TRIM14: variants seen among roughly 807,000 people sequenced by gnomAD.
TRIM14 encodes tripartite motif-containing protein 14.
TRIM14 carries 28 observed loss-of-function variants against 44.5 expected under a neutral mutation model. The ratio of observed to expected loss-of-function variants is 0.63; its 90% CI spans 0.47 to 0.86. The LOEUF (loss-of-function observed/expected upper bound fraction) is 0.86. TRIM14 is among the 40% of genes least tolerant of loss of function. The pLI, the probability that TRIM14 is intolerant of heterozygous loss-of-function variation, is 0.00. For missense variants in TRIM14, 607 were observed against 611.1 expected (o/e 0.99, Z 0.07); for synonymous variants, 299 against 269.2 (o/e 1.11, Z -1.08).
At chr9:98,036,507 A>C in the TRIM14 span, among the ~76,000 whole-genome samples, 1 of 149,786 alleles carries the variant, frequency 6.7e-6, no homozygotes, top group Non-Finnish European at 1.5e-5. Context: ...TCTGAAAAAA[A>C]AAAAAAAAAA....
intron 1 of TRIM14, among the ~76,000 whole-genome samples, chr9:98,117,969 G>C (rs1827113047): frequency 6.6e-6 from 1 of 152,142 alleles, no homozygotes; most frequent in African/African-American, 2.4e-5. Flanking sequence ...GGCAGGGACA[G>C]GTCTTGAGCC....
At chr9:98,057,922 GTT>G in the TRIM14 span, among the ~76,000 whole-genome samples, 3 of 78,074 alleles carry the variant, frequency 3.8e-5, no homozygotes, top group Non-Finnish European at 6.9e-5. Flanking sequence ...TTTTTTCCTG[GTT>G]TTTTTTTTTT....
chr9:98,081,202 T>G, downstream of TRIM14: 1 of 1,367,466 alleles, frequency 7.3e-7, no homozygotes, highest in Non-Finnish European at 1.0e-6. Context: ...GATCAGTGAA[T>G]GTGCTCCCAC....
At chr9:98,075,363 T>C (rs1587921346) in intron 6 of TRIM14, 1 of 133,056 alleles carries the variant, frequency 7.5e-6, no homozygotes, top group African/African-American at 2.9e-5. Context: ...GTGAGAAAGG[T>C]GAAGGAAGGG....
At chr9:98,070,710 G>A (rs575287098) in intron 6 of TRIM14, among the ~76,000 whole-genome samples, 7 of 152,072 alleles carry the variant, frequency 4.6e-5, no homozygotes, top group Admixed American at 2.6e-4. Context: ...ATGAGCCATC[G>A]CGCCTGGTCA....
chr9:98,054,243 T>C, the TRIM14 span, among the ~76,000 whole-genome samples: 1 of 152,014 alleles, frequency 6.6e-6, no homozygotes, highest in African/African-American at 2.4e-5. Flanking sequence ...CCTCCACATA[T>C]ACAAACACAC....
the TRIM14 span, among the ~76,000 whole-genome samples, chr9:98,045,523 T>A: frequency 6.6e-6 from 1 of 152,238 alleles, no homozygotes; most frequent in African/African-American, 2.4e-5. Context: ...ACCAATCCAG[T>A]TGTTTCTGAA....
the TRIM14 span, among the ~76,000 whole-genome samples, chr9:98,043,292 C>T: frequency 6.6e-6 from 1 of 152,104 alleles, no homozygotes; most frequent in Admixed American, 6.6e-5. Flanking sequence ...ATTCTTCCGC[C>T]TCAGCCTCCC....
chr9:98,092,156 C>A (rs1209317985), intron 4 of TRIM14, among the ~76,000 whole-genome samples, 155 bp from the exon 5 acceptor site: 6 of 152,098 alleles, frequency 3.9e-5, no homozygotes, highest in Non-Finnish European at 7.4e-5. Context: ...ACAGGAAAAC[C>A]CCAGGATGAC....
chr9:98,038,798 C>T, the TRIM14 span, among the ~76,000 whole-genome samples: 12 of 152,132 alleles, frequency 7.9e-5, no homozygotes, highest in African/African-American at 2.7e-4. Flanking sequence ...TGCCTGTAAT[C>T]CCAGCACTTT....
chr9:98,044,890 A>C, the TRIM14 span, among the ~76,000 whole-genome samples: 2 of 152,078 alleles, frequency 1.3e-5, no homozygotes, highest in African/African-American at 2.4e-5. Context: ...AGGCGGGTGG[A>C]TTGCCTGAGC....
downstream of TRIM14, chr9:98,081,955 C>CTTAA (rs1205258529): frequency 3.9e-5 from 6 of 152,210 alleles, no homozygotes; most frequent in Non-Finnish European, 7.3e-5. Context: ...CAGCTGAGCA[C>CTTAA]TTAATTTGGC....
At chr9:98,060,831 A>G in the TRIM14 span, 5 of 1,614,208 alleles carry the variant, frequency 3.1e-6, no homozygotes, top group Admixed American at 5.0e-5. Context: ...CTAGAATTCA[A>G]GTTTAATCGG....
chr9:98,094,012 G>A (rs1313763855), intron 4 of TRIM14, among the ~76,000 whole-genome samples: 1 of 152,154 alleles, frequency 6.6e-6, no homozygotes, highest in Non-Finnish European at 1.5e-5. Flanking sequence ...CCAAAGTGCT[G>A]GGATTACAGG....
chr9:98,042,045 A>T, the TRIM14 span, among the ~76,000 whole-genome samples: 9 of 151,914 alleles, frequency 5.9e-5, no homozygotes, highest in Admixed American at 5.9e-4. Context: ...CTCTAATCCC[A>T]GCACTTTGGG....
At chr9:98,097,349 A>G (rs1217410130) in intron 3 of TRIM14, among the ~76,000 whole-genome samples, 1 of 152,078 alleles carries the variant, frequency 6.6e-6, no homozygotes. Context: ...TCCTCAAGTC[A>G]GGCTGCACCC....
At chr9:98,051,200 A>G in the TRIM14 span, among the ~76,000 whole-genome samples, 1 of 152,216 alleles carries the variant, frequency 6.6e-6, no homozygotes, top group Non-Finnish European at 1.5e-5. Context: ...GACTACTATT[A>G]TGACTATCGC....
chr9:98,112,970 T>A (rs572783219), intron 1 of TRIM14, among the ~76,000 whole-genome samples: 23 of 151,018 alleles, frequency 1.5e-4, no homozygotes, highest in African/African-American at 5.6e-4. Flanking sequence ...AAAAATTAAC[T>A]GGGCATGGTG....
chr9:98,111,055 C>CG (rs913030972), intron 1 of TRIM14, among the ~76,000 whole-genome samples: 6 of 150,880 alleles, frequency 4.0e-5, no homozygotes, highest in East Asian at 1.9e-4. Flanking sequence ...CTGTCCCCCC[C>CG]CCCAAAAAAA....
Sources: allele counts gnomAD v4.1 joint callset (sites outside exome capture counted in the v4.1 genomes callset), GRCh38; gene constraint gnomAD v4.1.1; transcripts MANE v1.5; gene names NCBI Gene and HGNC (gene_info 2026-07-23, HGNC 2026-07-21).